Variants in PEX5L observed in about 807,000 individuals in gnomAD.
PEX5L encodes the protein PEX5-related protein.
Under a neutral mutation model 84.0 loss-of-function variants are expected in PEX5L, and 30 were observed. That is an observed-to-expected ratio of 0.36 (90% CI 0.27 to 0.48). The LOEUF is 0.48. PEX5L is among the 20% of genes least tolerant of loss of function. PEX5L has a pLI of 0.99. For synonymous variants in PEX5L, 270 were observed against 283.1 expected (o/e 0.95, Z 0.46); for missense variants, 533 against 754.6 (o/e 0.71, Z 3.44).
chr3:179,878,251 T>C (rs1472359455), intron 5 of PEX5L, among the ~76,000 whole-genome samples: 3 of 152,352 alleles, frequency 2.0e-5, no homozygotes, highest in African/African-American at 7.2e-5. Flanking sequence ...TATCTTTGTT[T>C]CCAAGTCTTG....
chr3:179,833,809 T>TCA (rs977226903), intron 8 of PEX5L, among the ~76,000 whole-genome samples: 3 of 151,632 alleles, frequency 2.0e-5, no homozygotes, highest in Non-Finnish European at 2.9e-5. Context: ...TCTCTCTCTC[T>TCA]CACACACACA....
intron 1 of PEX5L, among the ~76,000 whole-genome samples, chr3:180,010,432 A>G (rs192845216): frequency 7.3e-5 from 11 of 151,712 alleles, no homozygotes; most frequent in Admixed American, 6.6e-4. Flanking sequence ...GCATGAAGGC[A>G]CTCTACAATC....
intron 2 of PEX5L, among the ~76,000 whole-genome samples, chr3:179,942,024 A>G (rs1364325881): frequency 7.1e-6 from 1 of 139,996 alleles, no homozygotes; most frequent in East Asian, 1.9e-4. Flanking sequence ...CCTCAAAAAA[A>G]AAAAAAAAAA....
At chr3:179,972,501 T>C (rs1785023523) in intron 1 of PEX5L, among the ~76,000 whole-genome samples, 1 of 152,144 alleles carries the variant, frequency 6.6e-6, no homozygotes, top group African/African-American at 2.4e-5. Context: ...TCATGTTGTG[T>C]CTTCATACCA....
At chr3:179,995,927 G>C (rs191006019) in intron 1 of PEX5L, among the ~76,000 whole-genome samples, 114 of 152,310 alleles carry the variant, frequency 7.5e-4, no homozygotes, top group Admixed American at 2.2e-3. Flanking sequence ...TGGGGACACT[G>C]AGTGTGTAAA....
intron 5 of PEX5L, among the ~76,000 whole-genome samples, chr3:179,876,663 C>G (rs986855479): frequency 2.6e-5 from 4 of 152,096 alleles, no homozygotes; most frequent in African/African-American, 9.7e-5. Flanking sequence ...ACCATCACCA[C>G]TATTCATCTC....
At chr3:179,857,468 G>A (rs1577676610) in intron 8 of PEX5L, among the ~76,000 whole-genome samples, 1 of 152,190 alleles carries the variant, frequency 6.6e-6, no homozygotes, top group African/African-American at 2.4e-5. Context: ...GTAATAATTT[G>A]TGAAGTGTTT....
intron 1 of PEX5L, among the ~76,000 whole-genome samples, chr3:179,994,911 C>T (rs1032831525): frequency 9.9e-5 from 15 of 151,930 alleles, no homozygotes; most frequent in African/African-American, 3.1e-4. Context: ...TTTTGGGACT[C>T]GGACTGGCTC....
intron 1 of PEX5L, among the ~76,000 whole-genome samples, chr3:180,006,993 C>T (rs979796357): frequency 6.6e-6 from 1 of 152,166 alleles, no homozygotes; most frequent in Non-Finnish European, 1.5e-5. Context: ...ATCAATCATG[C>T]CTTCCCAACA....
chr3:179,897,689 C>A (rs1369270677), intron 3 of PEX5L, among the ~76,000 whole-genome samples: 1 of 151,954 alleles, frequency 6.6e-6, no homozygotes, highest in Non-Finnish European at 1.5e-5. Context: ...TATGCATAGT[C>A]ACAACATAAA....
At chr3:179,915,653 CTG>C (rs1314671323) in intron 2 of PEX5L, among the ~76,000 whole-genome samples, 1 of 152,128 alleles carries the variant, frequency 6.6e-6, no homozygotes, top group East Asian at 1.9e-4. Context: ...CCTGAACAAT[CTG>C]AGAAAAAAGG....
At chr3:179,856,865 C>T (rs1013416611) in intron 8 of PEX5L, among the ~76,000 whole-genome samples, 6 of 152,156 alleles carry the variant, frequency 3.9e-5, no homozygotes, top group Admixed American at 1.3e-4. Flanking sequence ...CATAAACTTA[C>T]AGGGTTTTAG....
chr3:179,861,802 C>A (rs1188120794), intron 7 of PEX5L, among the ~76,000 whole-genome samples: 1 of 145,676 alleles, frequency 6.9e-6, no homozygotes, highest in Non-Finnish European at 1.5e-5. Context: ...AGGATTGTGG[C>A]AGCCAATTTA....
At chr3:179,845,065 A>T (rs541786559) in intron 8 of PEX5L, among the ~76,000 whole-genome samples, 1 of 152,176 alleles carries the variant, frequency 6.6e-6, no homozygotes, top group South Asian at 2.1e-4. Flanking sequence ...CTGTAGCCAG[A>T]TCAGATATCT....
At chr3:179,827,892 C>T (rs534840986) in intron 8 of PEX5L, among the ~76,000 whole-genome samples, 10 of 152,312 alleles carry the variant, frequency 6.6e-5, no homozygotes, top group Non-Finnish European at 1.0e-4. Context: ...CAGCCCTTTT[C>T]TCAACTAGGC....
Position 179,799,734 on chromosome 3 carries a change from C to T in PEX5L, c.*2094G>A, listed in dbSNP as rs901501841. 1.3e-5 allele frequency: 2 copies of T among 152,282 alleles called. No individual in the cohort carries two copies. Among genetic ancestry groups the T allele is most frequent in the African/African-American group, 4.8e-5 (2 of 41,454 alleles). 9.4% of individuals were successfully genotyped at this position (152,282 alleles called of 1,614,324 possible). A position where few individuals can be genotyped will look rare whatever the true frequency, so the allele number is the denominator to read the frequency against. Reference sequence around the variant, plus strand: ...AGCAGGGAAGGAAAGGATGCTTAATCAGGCATATTCAAGCAGGCCCTGCCA... The same window carrying T: ...AGCAGGGAAGGAAAGGATGCTTAATTAGGCATATTCAAGCAGGCCCTGCCA... On this transcript the variant is annotated 3_prime_UTR_variant, in exon 15 of 15. Transcript: ENST00000467460.
At chr3:179,885,848 G>A (rs952673069) in intron 4 of PEX5L, among the ~76,000 whole-genome samples, 7 of 152,194 alleles carry the variant, frequency 4.6e-5, no homozygotes, top group African/African-American at 1.7e-4. Flanking sequence ...CTGAAAGCAT[G>A]ATTTTGGGCT....
At chr3:179,919,626 T>C (rs1768552901) in intron 2 of PEX5L, among the ~76,000 whole-genome samples, 2 of 152,176 alleles carry the variant, frequency 1.3e-5, no homozygotes, top group South Asian at 4.1e-4. Context: ...GGTCATGATC[T>C]GGACATACAA....
chr3:179,849,245 CA>C (rs1407332677), intron 8 of PEX5L, among the ~76,000 whole-genome samples: 1 of 152,122 alleles, frequency 6.6e-6, no homozygotes, highest in Non-Finnish European at 1.5e-5. Context: ...GTAATTAATA[CA>C]GTTCTATTAC....
Sources: gnomAD v4.1 joint callset for allele counts (sites outside exome capture counted in the v4.1 genomes callset) on GRCh38, gnomAD v4.1.1 for gene constraint, MANE v1.5 for transcripts, NCBI Gene and HGNC (gene_info 2026-07-23, HGNC 2026-07-21) for gene names.